ALDH9A1: variants seen among roughly 807,000 people sequenced by gnomAD.
ALDH9A1 encodes 4-trimethylaminobutyraldehyde dehydrogenase.
Under a neutral mutation model 56.6 loss-of-function variants are expected in ALDH9A1, and 42 were observed. The ratio of observed to expected loss-of-function variants is 0.74; its 90% CI spans 0.58 to 0.96. ALDH9A1 has a LOEUF of 0.96. Ranked by LOEUF, ALDH9A1 falls within the 40% of genes least tolerant of loss-of-function variation. ALDH9A1 has a pLI of 0.00. For synonymous variants in ALDH9A1, 242 were observed against 236.0 expected (o/e 1.03, Z -0.23); for missense variants, 661 against 651.5 (o/e 1.01, Z -0.16).
chr1:165,670,027 A>G (rs12065621), intron 6 of ALDH9A1, among the ~76,000 whole-genome samples: 60,119 of 152,066 alleles, frequency 0.4, 12,041 homozygotes, highest in Middle Eastern at 0.49. Flanking sequence ...GACAGAGATG[A>G]ACTAAATAAA....
In ALDH9A1 at chr1:165,695,275, A is replaced by G. The variant is rs1344640263; in HGVS notation, c.304T>C (p.Leu102=). The G allele has an allele frequency of 6.2e-7, 1 of 1,610,386 alleles. No individual in the cohort carries two copies. The highest frequency in any genetic ancestry group is 2.2e-5 in the East Asian group (1 of 44,610). Residue 102 remains leucine (L), a synonymous_variant, in exon 2 of 11, where the codon TTG becomes CTG. Transcript: ENST00000354775. ...KSGMERCRIL[L]EAARIIRERE... ...ACCCTTATTATCCTGGCAGCCTCCA[A>G]AAGGATTCGGCAACGCTCCATGCCA... is the stretch of plus-strand genomic sequence containing the variant.
intron 6 of ALDH9A1, among the ~76,000 whole-genome samples, chr1:165,670,947 C>A (rs1649159902): frequency 7.7e-6 from 1 of 130,544 alleles, no homozygotes; most frequent in African/African-American, 2.8e-5. Context: ...GTGGTGCACA[C>A]CTATAGTCCC....
chr1:165,698,545 G>A lies in ALDH9A1; in HGVS notation c.14C>T (p.Ala5Val), dbSNP rs1238463761. The A allele has an allele frequency of 9.3e-6, 15 of 1,606,074 alleles. No individual in the cohort carries two copies. The highest frequency in any genetic ancestry group is 1.2e-5 in the Non-Finnish European group (14 of 1,177,606). MFLRAGLAALSPLLR... is the reference protein window; with the variant it reads MFLRVGLAALSPLLR... ...AAGCGGGGAGAGCGCGGCCAGGCCT[G>A]CTCGGAGAAACATGAGTGGCGGACG... Residue 5 changes from alanine to valine, a missense_variant, in exon 1 of 11, where the codon GCA (alanine) becomes GTA (valine). Ala to Val is a moderately conservative substitution (Grantham distance 64). Coordinates refer to ENST00000354775, the MANE Select transcript of ALDH9A1 (RefSeq NM_000696.4).
At chr1:165,666,158 T>C (rs1435850891) in intron 9 of ALDH9A1, among the ~76,000 whole-genome samples, 1 of 152,146 alleles carries the variant, frequency 6.6e-6, no homozygotes, top group Non-Finnish European at 1.5e-5. Flanking sequence ...AAAGAATATA[T>C]ACTGTATGAT....
rs1558002592 is a variant in ALDH9A1 at position 165,668,933 on chromosome 1, A to T, written c.1200T>A (p.Cys400Ter). ...AACAAAAAGAGGACATACTTAATAC[A>T]CAAGGTCTCATGTAATATCCATCCT... ...KLKDGYYMRP[C>*]VLTNCRDDMT... Residue 400 changes from cysteine (C) to a stop codon, truncating the protein, a stop_gained, in exon 8 of 11, where the codon TGT (cysteine) becomes TGA (stop). Coordinates refer to ENST00000354775, the MANE Select transcript of ALDH9A1 (RefSeq NM_000696.4). LOFTEE classifies it high-confidence loss of function. 1 of 1,591,226 alleles carries T rather than the reference A, an allele frequency of 6.3e-7. No individual in the cohort carries two copies. The highest frequency in any genetic ancestry group is 8.6e-7 in the Non-Finnish European group (1 of 1,159,500).
intron 1 of ALDH9A1, chr1:165,698,132 G>C: frequency 9.3e-7 from 1 of 1,071,776 alleles, no homozygotes; most frequent in African/African-American, 1.7e-5. Context: ...GTTCTGGCCC[G>C]GGTAAAACAA....
intron 10 of ALDH9A1, among the ~76,000 whole-genome samples, chr1:165,664,403 C>G (rs1648941634): frequency 6.6e-6 from 1 of 152,122 alleles, no homozygotes; most frequent in Admixed American, 6.5e-5. Flanking sequence ...CAAACCTTCT[C>G]CTGATATACC....
chr1:165,668,738 G>A, intron 8 of ALDH9A1, 188 bp downstream of exon 8: 1 of 474,808 alleles, frequency 2.1e-6, no homozygotes, highest in Non-Finnish European at 3.7e-6. Flanking sequence ...ACATATGGGT[G>A]CCCTAAAGGA....
chr1:165,675,357 T>C (rs1045464839), intron 6 of ALDH9A1, among the ~76,000 whole-genome samples: 1 of 152,002 alleles, frequency 6.6e-6, no homozygotes, highest in African/African-American at 2.4e-5. Context: ...TTTGTGTGTG[T>C]ATATTCATCC....
intron 2 of ALDH9A1, among the ~76,000 whole-genome samples, 184 bp downstream of exon 2, chr1:165,695,068 C>G (rs1275012007): frequency 2.0e-5 from 3 of 152,072 alleles, no homozygotes; most frequent in Non-Finnish European, 4.4e-5. Flanking sequence ...TGTCCAAGAG[C>G]CAACATCCAG....
intron 6 of ALDH9A1, among the ~76,000 whole-genome samples, chr1:165,675,223 A>C (rs1649312564): frequency 1.3e-5 from 2 of 150,826 alleles, no homozygotes; most frequent in African/African-American, 4.9e-5. Context: ...AAATAAATTC[A>C]CATTACGTCA....
At chr1:165,677,402 CCTT>C (rs1284484050) in intron 6 of ALDH9A1, among the ~76,000 whole-genome samples, 1 of 152,048 alleles carries the variant, frequency 6.6e-6, no homozygotes, top group Non-Finnish European at 1.5e-5. Flanking sequence ...AACCAGGCCT[CCTT>C]CAGAGAAATG....
chr1:165,675,963 T>C (rs1649343171), intron 6 of ALDH9A1, among the ~76,000 whole-genome samples: 2 of 152,180 alleles, frequency 1.3e-5, no homozygotes, highest in African/African-American at 4.8e-5. Flanking sequence ...TGATGAGCAA[T>C]TAGATAAACA....
At chr1:165,698,025 T>C (rs541881989) in intron 1 of ALDH9A1, among the ~76,000 whole-genome samples, 2 of 152,174 alleles carry the variant, frequency 1.3e-5, no homozygotes, top group East Asian at 3.9e-4. Context: ...AGTGAGACCC[T>C]GTCTCAAAAC....
At chr1:165,684,377 A>T (rs1462052408) in intron 2 of ALDH9A1, among the ~76,000 whole-genome samples, 3 of 152,018 alleles carry the variant, frequency 2.0e-5, no homozygotes, top group Non-Finnish European at 4.4e-5. Context: ...TCTAAATTAA[A>T]CTCTCTTTTA....
chr1:165,680,752 G>A, intron 4 of ALDH9A1, 69 bp from the exon 5 acceptor site: 1 of 1,404,370 alleles, frequency 7.1e-7, no homozygotes, highest in South Asian at 1.4e-5. Flanking sequence ...AACAGGACTA[G>A]AGGACAATTC....
intron 9 of ALDH9A1, among the ~76,000 whole-genome samples, chr1:165,665,597 TA>T (rs376900491): frequency 6.6e-6 from 1 of 151,432 alleles, no homozygotes; most frequent in Non-Finnish European, 1.5e-5. Context: ...AAGTAACAGA[TA>T]AAAAAAACAG....
At chr1:165,686,012 A>AT (rs1170909830) in intron 2 of ALDH9A1, among the ~76,000 whole-genome samples, 1 of 152,220 alleles carries the variant, frequency 6.6e-6, no homozygotes, top group Non-Finnish European at 1.5e-5. Context: ...ACAATCTGGT[A>AT]TAAGTACCAA....
At position 165,664,404 on chromosome 1, in the gene ALDH9A1, C is replaced by T. The variant is rs185477847; in HGVS notation, c.1462+614G>A. ...TACTCCTGATGCCTCAAACCTTCTC[C>T]TGATATACCAGACTTACAAATTTAT... On this transcript the variant is annotated intron_variant, in intron 10 of 10. Coordinates refer to ENST00000354775, the MANE Select transcript of ALDH9A1 (RefSeq NM_000696.4). Among the ~76,000 whole-genome samples, 142 of 152,252 alleles carry T rather than the reference C, an allele frequency of 9.3e-4. No individual in the cohort carries two copies. The South Asian group carries it at 0.011, about 12-fold the overall frequency.
Sources: allele counts gnomAD v4.1 joint callset (sites outside exome capture counted in the v4.1 genomes callset), GRCh38; gene constraint gnomAD v4.1.1; transcripts MANE v1.5; gene names NCBI Gene and HGNC (gene_info 2026-07-23, HGNC 2026-07-21).